CCDC171: variants seen among roughly 807,000 people sequenced by gnomAD.
CCDC171 encodes coiled-coil domain containing 171.
In CCDC171, 177 loss-of-function variants were observed where a neutral mutation model predicts 168.2. The observed-to-expected ratio is 1.05, with a 90% confidence interval of 0.93 to 1.19. The LOEUF (loss-of-function observed/expected upper bound fraction) is 1.19. CCDC171 is among the 50% of genes most tolerant of loss of function. CCDC171 has a pLI of 0.00. For missense variants in CCDC171, 1,991 were observed against 1,539.0 expected (o/e 1.29, Z -4.91); for synonymous variants, 687 against 540.8 (o/e 1.27, Z -3.75).
chr9:15,850,537 T>A (rs1328152498), intron 23 of CCDC171, among the ~76,000 whole-genome samples: 1 of 152,042 alleles, frequency 6.6e-6, no homozygotes, highest in Non-Finnish European at 1.5e-5. Flanking sequence ...ATTTAGTAGT[T>A]AATTATTTTG....
the CCDC171 span, among the ~76,000 whole-genome samples, chr9:16,090,791 A>C: frequency 5.9e-5 from 9 of 152,098 alleles, no homozygotes; most frequent in Non-Finnish European, 1.5e-5. Flanking sequence ...ATATAAAGAG[A>C]CTCTTAATAA....
At chr9:16,037,197 T>C (rs1833487276) in intron 8 of CCDC171, among the ~76,000 whole-genome samples, 1 of 152,234 alleles carries the variant, frequency 6.6e-6, no homozygotes, top group Middle Eastern at 3.2e-3. Flanking sequence ...GAATATTCTA[T>C]TTACCCTGAA....
intron 6 of CCDC171, among the ~76,000 whole-genome samples, chr9:15,604,401 T>G (rs1052727961): frequency 2.0e-5 from 3 of 152,214 alleles, no homozygotes; most frequent in Non-Finnish European, 2.9e-5. Flanking sequence ...TCCTTTGTTA[T>G]TTTTCCAGTT....
intron 21 of CCDC171, among the ~76,000 whole-genome samples, chr9:15,840,427 G>A (rs2060629908): frequency 6.6e-6 from 1 of 152,124 alleles, no homozygotes; most frequent in Non-Finnish European, 1.5e-5. Flanking sequence ...GGGGTTGTCA[G>A]CTCTGGGAAG....
intron 10 of CCDC171, among the ~76,000 whole-genome samples, chr9:15,694,305 T>A (rs1429639518): frequency 6.6e-6 from 1 of 152,196 alleles, no homozygotes; most frequent in Non-Finnish European, 1.5e-5. Flanking sequence ...GCTTCTAAGA[T>A]TTACACCAAT....
intron 6 of CCDC171, among the ~76,000 whole-genome samples, chr9:15,615,123 C>A (rs987672243): frequency 2.0e-5 from 3 of 151,680 alleles, no homozygotes. Flanking sequence ...AAATATTATA[C>A]AAAATATTAG....
At chr9:15,571,835 C>A (rs1045951516) in intron 3 of CCDC171, 76 bp downstream of exon 3, 2 of 1,293,556 alleles carry the variant, frequency 1.5e-6, no homozygotes, top group African/African-American at 1.5e-5. Context: ...TGAAAAACTC[C>A]ATGTTTAACC....
At chr9:15,866,046 A>G (rs374093838) in intron 23 of CCDC171, among the ~76,000 whole-genome samples, 1 of 152,132 alleles carries the variant, frequency 6.6e-6, no homozygotes, top group East Asian at 1.9e-4. Flanking sequence ...AAGTTCATGG[A>G]AGCATGAATG....
intron 6 of CCDC171, among the ~76,000 whole-genome samples, chr9:15,615,038 T>G (rs2043982047): frequency 6.6e-6 from 1 of 152,182 alleles, no homozygotes; most frequent in South Asian, 2.1e-4. Flanking sequence ...CTTGATAGCA[T>G]AATCTTGATA....
At chr9:15,711,215 T>C (rs1293353339) in intron 11 of CCDC171, among the ~76,000 whole-genome samples, 1 of 152,200 alleles carries the variant, frequency 6.6e-6, no homozygotes, top group Admixed American at 6.5e-5. Flanking sequence ...GTTAAATAAA[T>C]TTTACTATCC....
intron 16 of CCDC171, among the ~76,000 whole-genome samples, chr9:15,737,778 G>A (rs1460299963): frequency 6.6e-6 from 1 of 152,166 alleles, no homozygotes; most frequent in Non-Finnish European, 1.5e-5. Flanking sequence ...TATGGGGCTT[G>A]AGAATGTGTG....
intron 11 of CCDC171, among the ~76,000 whole-genome samples, chr9:15,710,493 G>A (rs2052578519): frequency 6.6e-6 from 1 of 152,052 alleles, no homozygotes; most frequent in Non-Finnish European, 1.5e-5. Flanking sequence ...TTGGTAGATG[G>A]GGTTTCACCA....
intron 2 of CCDC171, among the ~76,000 whole-genome samples, chr9:15,569,846 C>CAAAAA (rs1314811546): frequency 2.9e-5 from 4 of 139,812 alleles, no homozygotes; most frequent in African/African-American, 1.1e-4. Context: ...AACAAACAAA[C>CAAAAA]AAAAAAAAAA....
chr9:15,960,806 T>G (rs1263628659), intron 25 of CCDC171, among the ~76,000 whole-genome samples: 2 of 152,126 alleles, frequency 1.3e-5, no homozygotes, highest in Non-Finnish European at 2.9e-5. Flanking sequence ...TTCTTTTAAC[T>G]GAAGATAGCC....
chr9:15,650,563 A>G (rs527407289), intron 7 of CCDC171, among the ~76,000 whole-genome samples: 4 of 152,184 alleles, frequency 2.6e-5, no homozygotes, highest in African/African-American at 7.2e-5. Flanking sequence ...TCCTGTACTC[A>G]TATTTTGAGT....
chr9:15,584,024 G>A (rs1312442559), intron 4 of CCDC171, among the ~76,000 whole-genome samples: 1 of 151,992 alleles, frequency 6.6e-6, no homozygotes, highest in Non-Finnish European at 1.5e-5. Flanking sequence ...CCACCACCAC[G>A]CCCGGCTAAT....
At chr9:15,915,460 A>G (rs542596019) in intron 24 of CCDC171, among the ~76,000 whole-genome samples, 4 of 152,074 alleles carry the variant, frequency 2.6e-5, no homozygotes, top group Non-Finnish European at 5.9e-5. Context: ...ATTTGTGTAC[A>G]TTAATTTTGC....
At chr9:16,085,063 T>C in the CCDC171 span, among the ~76,000 whole-genome samples, 2 of 152,234 alleles carry the variant, frequency 1.3e-5, no homozygotes, top group African/African-American at 4.8e-5. Flanking sequence ...ACCAGTCTAG[T>C]AGCCACCTTG....
chr9:15,645,255 G>C (rs1428441167), intron 7 of CCDC171, among the ~76,000 whole-genome samples: 2 of 152,150 alleles, frequency 1.3e-5, no homozygotes, highest in Non-Finnish European at 2.9e-5. Context: ...CATCATCAAA[G>C]ACCAAAGGTA....
Sources: gnomAD v4.1 joint callset for allele counts (sites outside exome capture counted in the v4.1 genomes callset) on GRCh38, gnomAD v4.1.1 for gene constraint, MANE v1.5 for transcripts, NCBI Gene and HGNC (gene_info 2026-07-23, HGNC 2026-07-21) for gene names.